TRMT44: variants seen among roughly 807,000 people sequenced by gnomAD.
TRMT44 encodes tRNA methyltransferase 44 homolog.
In TRMT44, 78 loss-of-function variants were observed where a neutral mutation model predicts 77.3. The ratio of observed to expected loss-of-function variants is 1.01; its 90% CI spans 0.84 to 1.22. TRMT44 has a LOEUF of 1.22. Among genes scored for constraint, TRMT44 ranks in the 50% most tolerant of loss-of-function variants. TRMT44 has a pLI of 0.00. For synonymous variants in TRMT44, 391 were observed against 383.3 expected (o/e 1.02, Z -0.23); for missense variants, 1,090 against 964.4 (o/e 1.13, Z -1.73).
In TRMT44 at chr4:8,465,463, A is replaced by G; in HGVS notation, c.1396A>G (p.Thr466Ala). ...ATACTCCCGGAGGCAGAGTAAGAAG[A>G]CTCAGTACCGGGAATACCTTGACTT... Reference protein sequence around the residue: ...GRYSRRQSKKTQYREYLDFIK... With the variant: ...GRYSRRQSKKAQYREYLDFIK... Residue 466 changes from threonine (T) to alanine (A), a missense_variant, in exon 8 of 11, where the codon ACT (threonine) becomes GCT (alanine). Thr to Ala is a moderately conservative substitution (Grantham distance 58). Transcript: ENST00000389737. The G allele has an allele frequency of 6.2e-7, 1 of 1,614,066 alleles. No homozygotes were observed. The highest frequency in any genetic ancestry group is 1.3e-5 in the African/African-American group (1 of 74,998).
chr4:8,460,848 G>A (rs1490779996), intron 6 of TRMT44, among the ~76,000 whole-genome samples: 3 of 151,498 alleles, frequency 2.0e-5, no homozygotes, highest in East Asian at 3.9e-4. Context: ...ACCACACGCA[G>A]CCCCCCTTTT....
intron 7 of TRMT44, among the ~76,000 whole-genome samples, chr4:8,464,564 CGTT>C (rs1726394400): frequency 6.6e-6 from 1 of 152,216 alleles, no homozygotes; most frequent in South Asian, 2.1e-4. Flanking sequence ...TGCTGCTCCT[CGTT>C]GACGTTTCGT....
At chr4:8,456,019 C>T (rs1039191177) in intron 6 of TRMT44, among the ~76,000 whole-genome samples, 4 of 152,146 alleles carry the variant, frequency 2.6e-5, no homozygotes, top group Admixed American at 6.5e-5. Context: ...CCATGAAATA[C>T]ATACAAATCT....
chr4:8,460,566 CT>C (rs56738130), intron 6 of TRMT44, among the ~76,000 whole-genome samples: 57,935 of 147,388 alleles, frequency 0.39, 11,235 homozygotes, highest in Admixed American at 0.47. Flanking sequence ...TGGCCTCACT[CT>C]TTTTTTTTTT....
At chr4:8,494,043 G>A (rs1728086552), downstream of TRMT44, among the ~76,000 whole-genome samples, 1 of 149,542 alleles carries the variant, frequency 6.7e-6, no homozygotes, top group South Asian at 2.2e-4. Flanking sequence ...ACTGAGAGAT[G>A]CAGAAAACAC....
In TRMT44 at chr4:8,451,073, A is replaced by AT. The variant is rs1345138973; in HGVS notation, c.955-880dup. ...TTGAGCCACTGCCCGGCTTCCATGT[A>AT]TTTTTTTAATCAGTCACGTCTTGCT... On this transcript the variant is annotated intron_variant, in intron 3 of 10. Coordinates refer to ENST00000389737, the MANE Select transcript of TRMT44 (RefSeq NM_152544.3). This position sits in a 1 kb window ranked among gnomAD's most constrained non-coding sequence, Gnocchi z 4.1. Among the ~76,000 whole-genome samples, 3 of 151,742 alleles carry AT rather than the reference A, an allele frequency of 2.0e-5. No homozygotes were observed. Among genetic ancestry groups the AT allele is most frequent in the Non-Finnish European group, 4.4e-5 (3 of 67,952 alleles).
chr4:8,449,545 G>A (rs980450596), intron 2 of TRMT44, 124 bp from the exon 3 acceptor site: 13 of 720,564 alleles, frequency 1.8e-5, no homozygotes, highest in East Asian at 2.8e-5. Context: ...GTTCTAGTTC[G>A]TTTTATGTTT....
In TRMT44 at chr4:8,446,851, A is replaced by G. The variant is rs1194626159; in HGVS notation, c.734+261A>G. Among the ~76,000 whole-genome samples, 2 of 152,144 alleles carry G rather than the reference A, an allele frequency of 1.3e-5. No homozygotes were observed. On this transcript the variant is annotated intron_variant, in intron 2 of 10. Transcript: ENST00000389737. This position sits in a 1 kb window ranked among gnomAD's most constrained non-coding sequence, Gnocchi z 4.3. ...GCTGTGATGATCAGCAGCCCTTAGC[A>G]TTAGCTCTGAAGTCAAACTCAAATT... is the stretch of plus-strand genomic sequence containing the variant.
chr4:8,507,601 C>T, the TRMT44 span: 16 of 152,672 alleles, frequency 1.0e-4, no homozygotes, highest in Admixed American at 2.6e-4. Context: ...CTGTTTTCTT[C>T]TTTCCTGGCT....
At chr4:8,513,933 G>T in the TRMT44 span, among the ~76,000 whole-genome samples, 1 of 152,160 alleles carries the variant, frequency 6.6e-6, no homozygotes, top group African/African-American at 2.4e-5. Flanking sequence ...GGTGGGAAAG[G>T]ATTGGTTCAA....
rs75483749 is a variant in TRMT44 at position 8,461,474 on chromosome 4, A to G, written c.1204-2511A>G. 0.055 allele frequency among the ~76,000 whole-genome samples: 8,339 copies of G among 152,236 alleles called. 373 individuals carry two copies. The highest frequency in any genetic ancestry group is 0.12 in the African/African-American group (5,166 of 41,510). Reference sequence around the variant, plus strand: ...GTAGGAAATTCAAGCAGCAGTGAGTAGGCCATCTGTGTAAGCCCAGACCCT... The same window carrying G: ...GTAGGAAATTCAAGCAGCAGTGAGTGGGCCATCTGTGTAAGCCCAGACCCT... On this transcript the variant is annotated intron_variant, in intron 6 of 10. Transcript: ENST00000389737. This position sits in a 1 kb window ranked among gnomAD's most constrained non-coding sequence, Gnocchi z 4.6.
At chr4:8,454,654 G>C in intron 5 of TRMT44, 88 bp from the exon 6 acceptor site, 1 of 1,266,724 alleles carries the variant, frequency 7.9e-7, no homozygotes, top group Non-Finnish European at 1.1e-6. Context: ...CGTCCTGCTG[G>C]CAGTGCCTGC....
the TRMT44 span, among the ~76,000 whole-genome samples, chr4:8,501,695 C>A: frequency 3.3e-5 from 5 of 152,142 alleles, no homozygotes; most frequent in Non-Finnish European, 5.9e-5. This position sits in a 1 kb window ranked among gnomAD's most constrained non-coding sequence, Gnocchi z 4.4. Context: ...TTCCCTTTTC[C>A]TTTCCCCTTC....
At chr4:8,501,615 G>C in the TRMT44 span, among the ~76,000 whole-genome samples, 1 of 152,160 alleles carries the variant, frequency 6.6e-6, no homozygotes, top group Non-Finnish European at 1.5e-5. This position sits in a 1 kb window ranked among gnomAD's most constrained non-coding sequence, Gnocchi z 4.4. Context: ...TTCTCACCAG[G>C]CTCCGGCAGA....
chr4:8,476,785 C>G (rs373097338), downstream of TRMT44: 5 of 152,202 alleles, frequency 3.3e-5, no homozygotes, highest in African/African-American at 1.2e-4. Context: ...GATCTCTCGC[C>G]CAGGCTGGAG....
At chr4:8,447,901 G>C (rs917703117) in intron 2 of TRMT44, among the ~76,000 whole-genome samples, 2 of 152,230 alleles carry the variant, frequency 1.3e-5, no homozygotes, top group Non-Finnish European at 2.9e-5. Flanking sequence ...TGCCTGTCTT[G>C]GGGGCAGTGG....
chr4:8,449,949 C>CTTTTCTTTTCTTTTTTTTTTT (rs761311536), intron 3 of TRMT44, 61 bp downstream of exon 3: 40 of 239,096 alleles, frequency 1.7e-4, no homozygotes, highest in South Asian at 6.0e-4. Flanking sequence ...CTTTTCTTTT[C>CTTTTCTTTTCTTTTTTTTTTT]TTTTTTTTTT....
chr4:8,502,069 G>C, the TRMT44 span, among the ~76,000 whole-genome samples: 1 of 152,246 alleles, frequency 6.6e-6, no homozygotes, highest in African/African-American at 2.4e-5. Context: ...TGTTCAAAGA[G>C]GGAGAATAAA....
chr4:8,480,598 G>A (rs753514061), downstream of TRMT44, among the ~76,000 whole-genome samples: 7 of 152,160 alleles, frequency 4.6e-5, no homozygotes, highest in Non-Finnish European at 7.3e-5. Flanking sequence ...ATTGGAAGCC[G>A]CTGGTGAGCA....
Sources: allele counts gnomAD v4.1 joint callset (sites outside exome capture counted in the v4.1 genomes callset), GRCh38; gene constraint gnomAD v4.1.1; non-coding constraint Gnocchi (gnomAD v3.1); transcripts MANE v1.5; gene names NCBI Gene and HGNC (gene_info 2026-07-23, HGNC 2026-07-21).